The following DOCK3 variants were observed in gnomAD, a reference collection of about 807,000 sequenced individuals.
DOCK3 encodes dedicator of cytokinesis protein 3.
A neutral mutation model predicts 265.6 loss-of-function variants in DOCK3; 60 were observed. That is an observed-to-expected ratio of 0.23 (90% CI 0.18 to 0.28). The LOEUF is 0.28. DOCK3 is among the 10% of genes least tolerant of loss of function. The pLI is 1.00. For missense variants in DOCK3, 1,981 were observed against 2,594.3 expected, an observed-to-expected ratio of 0.76 and a Z score of 5.14; for synonymous variants, 881 against 938.0, an observed-to-expected ratio of 0.94 and a Z score of 1.11.
chr3:50,821,409 C>T (rs1016217279), intron 2 of DOCK3, among the ~76,000 whole-genome samples: 9 of 152,018 alleles, frequency 5.9e-5, no homozygotes, highest in Non-Finnish European at 1.3e-4. Flanking sequence ...ACGCCATTCT[C>T]CTGCCTCAGC....
intron 1 of DOCK3, among the ~76,000 whole-genome samples, chr3:50,755,601 C>T (rs2040109516): frequency 6.6e-6 from 1 of 152,162 alleles, no homozygotes; most frequent in Admixed American, 6.5e-5. Flanking sequence ...GTGCAACCAT[C>T]ATCATCTAAT....
chr3:51,005,036 C>T (rs1380814973), intron 5 of DOCK3, among the ~76,000 whole-genome samples: 1 of 151,502 alleles, frequency 6.6e-6, no homozygotes, highest in Non-Finnish European at 1.5e-5. Context: ...GAGCATGAAA[C>T]ATTCTTCATT....
At chr3:51,190,706 T>C (rs1175962131) in intron 12 of DOCK3, among the ~76,000 whole-genome samples, 1 of 152,020 alleles carries the variant, frequency 6.6e-6, no homozygotes, top group Non-Finnish European at 1.5e-5. Flanking sequence ...CCAGGAGAGG[T>C]ATTCTGGTTT....
At chr3:50,957,191 T>C (rs1397528871) in intron 5 of DOCK3, among the ~76,000 whole-genome samples, 1 of 152,250 alleles carries the variant, frequency 6.6e-6, no homozygotes, top group African/African-American at 2.4e-5. Context: ...TGTTTAATAT[T>C]GTAAGAAAAT....
intron 2 of DOCK3, among the ~76,000 whole-genome samples, chr3:50,797,175 T>G (rs1395802488): frequency 6.6e-6 from 1 of 151,974 alleles, no homozygotes; most frequent in Non-Finnish European, 1.5e-5. Flanking sequence ...TTCACCACAG[T>G]GGAAGAGGCG....
At chr3:51,216,000 CA>C (rs2089764612) in intron 14 of DOCK3, among the ~76,000 whole-genome samples, 1 of 151,586 alleles carries the variant, frequency 6.6e-6, no homozygotes, top group African/African-American at 2.4e-5. Flanking sequence ...AAAAAGTTAC[CA>C]AAATTGAAAA....
chr3:51,115,071 G>T (rs1481470227), intron 9 of DOCK3, among the ~76,000 whole-genome samples: 1 of 151,600 alleles, frequency 6.6e-6, no homozygotes, highest in Non-Finnish European at 1.5e-5. Context: ...CATTTGGGTT[G>T]GTTATCTATT....
At chr3:50,770,189 T>C (rs1402085435) in intron 1 of DOCK3, among the ~76,000 whole-genome samples, 1 of 152,240 alleles carries the variant, frequency 6.6e-6, no homozygotes, top group East Asian at 1.9e-4. Context: ...TGATATTATC[T>C]TATATTTGGA....
At position 51,181,406 on chromosome 3, in the gene DOCK3, C is replaced by T. The variant is rs540783285; in HGVS notation, c.1037+20704C>T. On this transcript the variant is annotated intron_variant, in intron 12 of 52. Transcript: ENST00000266037. ...TGCGGTGTTTGGTTTTTTGTTCTTG[C>T]GATAGTTTGCTGAGAATGATGGTTT... Among the ~76,000 whole-genome samples, 35 of 150,770 alleles carry T rather than the reference C, an allele frequency of 2.3e-4. No individual in the cohort carries two copies. In the South Asian group the frequency reaches 3.6e-3, roughly 15 times the overall value.
At chr3:51,285,782 A>C (rs2081371042) in intron 27 of DOCK3, among the ~76,000 whole-genome samples, 1 of 152,046 alleles carries the variant, frequency 6.6e-6, no homozygotes, top group Non-Finnish European at 1.5e-5. Flanking sequence ...AAAATAAAAA[A>C]AAATTAGCTG....
At chr3:51,029,143 C>T (rs1029884943) in intron 5 of DOCK3, among the ~76,000 whole-genome samples, 8 of 151,922 alleles carry the variant, frequency 5.3e-5, no homozygotes, top group African/African-American at 1.9e-4. Flanking sequence ...GATCATTTCT[C>T]TTCATTTCTG....
chr3:50,708,335 GCCTC>G (rs2036545861), intron 1 of DOCK3, among the ~76,000 whole-genome samples: 2 of 152,272 alleles, frequency 1.3e-5, no homozygotes, highest in African/African-American at 4.8e-5. Flanking sequence ...CTTTGGGGCA[GCCTC>G]CCTGGTGTGC....
intron 9 of DOCK3, among the ~76,000 whole-genome samples, chr3:51,106,330 C>T (rs1451994220): frequency 3.3e-5 from 5 of 152,338 alleles, no homozygotes; most frequent in East Asian, 1.9e-4. Flanking sequence ...CACGCTTGGT[C>T]GGCAGAGAGC....
chr3:51,148,372 T>G, intron 10 of DOCK3, among the ~76,000 whole-genome samples: 1 of 152,224 alleles, frequency 6.6e-6, no homozygotes, highest in African/African-American at 2.4e-5. Context: ...CAATTTTGGC[T>G]TTTGTTGCCA....
chr3:51,008,491 T>A (rs1313574194), intron 5 of DOCK3, among the ~76,000 whole-genome samples: 1 of 152,236 alleles, frequency 6.6e-6, no homozygotes, highest in African/African-American at 2.4e-5. Context: ...ATCCTGATAC[T>A]TTGCCAAAGT....
chr3:50,956,938 C>T (rs1447712758), intron 5 of DOCK3, among the ~76,000 whole-genome samples: 3 of 152,194 alleles, frequency 2.0e-5, no homozygotes, highest in Admixed American at 2.0e-4. Flanking sequence ...TTTCGGCTCA[C>T]TGCAACCTCC....
chr3:50,860,164 G>T (rs1434689925), intron 3 of DOCK3, among the ~76,000 whole-genome samples: 2 of 152,198 alleles, frequency 1.3e-5, no homozygotes, highest in Admixed American at 1.3e-4. Context: ...CATGGGGGTT[G>T]TATGGGACCT....
rs141257583 is a variant in DOCK3, at chr3:51,240,860, G to A, written c.2102+3270G>A. Among the ~76,000 whole-genome samples the A allele has an allele frequency of 5.8e-4, 88 of 152,226 alleles. 2 individuals carry two copies. In the South Asian group the frequency reaches 0.01, roughly 18 times the overall value. On this transcript the variant is annotated intron_variant, in intron 21 of 52. Coordinates refer to ENST00000266037, the MANE Select transcript of DOCK3 (RefSeq NM_004947.5). ...ATGGGTCTCTTTGAAGACAGCTTAT[G>A]AATGGGTCTTGGTTCTTTATCCAGC...
intron 9 of DOCK3, among the ~76,000 whole-genome samples, chr3:51,127,491 A>C (rs1576171356): frequency 6.6e-6 from 1 of 152,356 alleles, no homozygotes; most frequent in Non-Finnish European, 1.5e-5. Flanking sequence ...ACCAATCCCC[A>C]ACCCAAATAC....
Sources: allele counts gnomAD v4.1 joint callset (sites outside exome capture counted in the v4.1 genomes callset), GRCh38; gene constraint gnomAD v4.1.1; transcripts MANE v1.5; gene names NCBI Gene and HGNC (gene_info 2026-07-23, HGNC 2026-07-21).